The following TP53BP1 variants were observed in gnomAD, a reference collection of about 807,000 sequenced individuals.
TP53BP1 encodes tumor protein p53 binding protein 1.
In TP53BP1, 61 loss-of-function variants were observed where a neutral mutation model predicts 200.8. The ratio of observed to expected loss-of-function variants is 0.30; its 90% CI spans 0.25 to 0.38. The LOEUF is 0.38. Among genes scored for constraint, TP53BP1 ranks in the 10% least tolerant of loss-of-function variants. TP53BP1 has a pLI of 1.00. For missense variants in TP53BP1, 2,144 were observed against 2,371.9 expected (o/e 0.90, Z 2.00); for synonymous variants, 822 against 844.3 (o/e 0.97, Z 0.46).
At chr15:43,410,508 G>A (rs187163386) in intron 24 of TP53BP1, among the ~76,000 whole-genome samples, 54 of 151,758 alleles carry the variant, frequency 3.6e-4, no homozygotes, top group Non-Finnish European at 5.4e-4. Context: ...TATCTAATTT[G>A]AGCTTGTTTT....
intron 16 of TP53BP1, among the ~76,000 whole-genome samples, chr15:43,433,192 T>C (rs149445082): frequency 2.0e-5 from 3 of 152,262 alleles, no homozygotes; most frequent in South Asian, 2.1e-4. Flanking sequence ...TTACAAAGGA[T>C]AAAGCTGTAG....
In TP53BP1 at chr15:43,441,586, G is replaced by GA; in HGVS notation, c.3041-4dup. 1 of 1,609,214 alleles carries GA rather than the reference G, an allele frequency of 6.2e-7. No homozygotes were observed. The highest frequency in any genetic ancestry group is 8.5e-7 in the Non-Finnish European group (1 of 1,175,930). On this transcript the variant is annotated splice_region_variant and splice_polypyrimidine_tract_variant and intron_variant, in intron 14 of 27. Transcript: ENST00000382044. ...TTTTCTTTCACCAGTTGCAGGCTCT[G>GA]AATAAAAACAAAACCAAGGAGAGAA...
intron 1 of TP53BP1, among the ~76,000 whole-genome samples, chr15:43,499,846 C>T (rs2079200594): frequency 6.6e-6 from 1 of 152,136 alleles, no homozygotes; most frequent in Non-Finnish European, 1.5e-5. Flanking sequence ...TATCTAGTTT[C>T]TAGCTTCAAA....
intron 11 of TP53BP1, among the ~76,000 whole-genome samples, chr15:43,457,671 CAAAAAAAAAAAAAAAA>C (rs56866996): frequency 2.6e-4 from 5 of 19,082 alleles, no homozygotes; most frequent in Admixed American, 2.1e-3. Flanking sequence ...GACTCCATCT[CAAAAAAAAAAAAAAAA>C]AAAAAAAAAA....
At chr15:43,420,941 A>C in intron 20 of TP53BP1, 84 bp downstream of exon 20, 1 of 1,508,126 alleles carries the variant, frequency 6.6e-7, no homozygotes. Context: ...CCCTCCTGAC[A>C]CCCCACAAAC....
rs930392109 is a variant in TP53BP1, at chr15:43,405,870, A to T, written c.*1513T>A. 5.3e-5 allele frequency: 8 copies of T among 151,970 alleles called. No homozygotes were observed. The highest frequency in any genetic ancestry group is 1.7e-4 in the African/African-American group (7 of 41,342). The allele number at this position is 151,970 out of a possible 1,614,324, so 9.4% of individuals were successfully genotyped here. On this transcript the variant is annotated 3_prime_UTR_variant, in exon 28 of 28. Transcript: ENST00000382044. ...GCCTGACCAACATGATGAAACCTCG[A>T]TTCTACTAAAAATACAAAAATTAGC...
At chr15:43,500,445 C>T (rs1233655193) in intron 1 of TP53BP1, among the ~76,000 whole-genome samples, 3 of 151,948 alleles carry the variant, frequency 2.0e-5, no homozygotes, top group Non-Finnish European at 4.4e-5. Flanking sequence ...TCTATATCCA[C>T]CCACTTCCCC....
intron 15 of TP53BP1, 134 bp from the exon 16 acceptor site, chr15:43,438,550 G>T: frequency 1.6e-6 from 1 of 617,754 alleles, no homozygotes; most frequent in Non-Finnish European, 2.7e-6. Context: ...ACACCAAAAT[G>T]CAAATTCTCC....
At chr15:43,413,063 TG>T in intron 24 of TP53BP1, 55 bp downstream of exon 24, 1 of 1,564,916 alleles carries the variant, frequency 6.4e-7, no homozygotes, top group Non-Finnish European at 8.8e-7. Flanking sequence ...CATAAGTGAC[TG>T]GAAAAGAAAG....
chr15:43,495,733 C>T (rs1274958129), upstream of TP53BP1, among the ~76,000 whole-genome samples: 3 of 150,770 alleles, frequency 2.0e-5, no homozygotes, highest in South Asian at 4.2e-4. Context: ...AGGAGAATGG[C>T]GTGAACCCGG....
intron 15 of TP53BP1, among the ~76,000 whole-genome samples, chr15:43,439,463 G>A (rs1023484255): frequency 6.6e-5 from 10 of 152,156 alleles, no homozygotes; most frequent in African/African-American, 2.2e-4. Flanking sequence ...TTGAGCCTGG[G>A]AGGTCAAGGC....
chr15:43,466,291 A>G (rs1025492915), intron 11 of TP53BP1, among the ~76,000 whole-genome samples: 2 of 152,208 alleles, frequency 1.3e-5, no homozygotes, highest in Non-Finnish European at 2.9e-5. Flanking sequence ...TTTCTCCAAA[A>G]AGATGAAACA....
At chr15:43,432,914 G>A (rs2045705374) in intron 16 of TP53BP1, among the ~76,000 whole-genome samples, 1 of 152,018 alleles carries the variant, frequency 6.6e-6, no homozygotes, top group African/African-American at 2.4e-5. Flanking sequence ...CCACCATGAT[G>A]ATAAAAGAGT....
At chr15:43,444,706 C>T (rs2046002745) in intron 14 of TP53BP1, among the ~76,000 whole-genome samples, 1 of 152,138 alleles carries the variant, frequency 6.6e-6, no homozygotes, top group Non-Finnish European at 1.5e-5. Context: ...ACCTGGTATA[C>T]AGTAAGAGCT....
intron 23 of TP53BP1, among the ~76,000 whole-genome samples, chr15:43,413,739 G>A (rs888630493): frequency 3.3e-5 from 5 of 151,530 alleles, no homozygotes; most frequent in Non-Finnish European, 5.9e-5. Flanking sequence ...TCTCTGTCCC[G>A]TGCTCTGATT....
intron 12 of TP53BP1, among the ~76,000 whole-genome samples, chr15:43,455,149 TAG>T (rs896994125): frequency 6.6e-6 from 1 of 152,216 alleles, no homozygotes; most frequent in Admixed American, 6.5e-5. Context: ...GAACTAAGTT[TAG>T]AAACTTTACC....
At position 43,426,604 on chromosome 15, in the gene TP53BP1, T is replaced by C. The variant is rs117427538; in HGVS notation, c.3828+1412A>G. Among the ~76,000 whole-genome samples, 1,038 of 151,970 alleles carry C rather than the reference T, an allele frequency of 6.8e-3. 15 individuals carry two copies. The highest frequency in any genetic ancestry group is 0.038 in the East Asian group (198 of 5,180). ...GCCACAATAGCCCACTGAAAAATAG[T>C]AATAATATGTTCTATTTAATAAAAC... On this transcript the variant is annotated intron_variant, in intron 18 of 27. Coordinates refer to ENST00000382044, the MANE Select transcript of TP53BP1 (RefSeq NM_001141980.3).
chr15:43,485,985 G>C (rs978912130), intron 4 of TP53BP1, among the ~76,000 whole-genome samples: 2 of 152,146 alleles, frequency 1.3e-5, no homozygotes, highest in African/African-American at 4.8e-5. Flanking sequence ...GATGGAAAGA[G>C]AAAACAAAGG....
rs949590953 is a variant in TP53BP1, at chr15:43,488,425, G to A, written c.371+3244C>T. On this transcript the variant is annotated intron_variant, in intron 4 of 27. Coordinates refer to ENST00000382044, the MANE Select transcript of TP53BP1 (RefSeq NM_001141980.3). ...TGCCAGGGGTTTGGGTGCAAAAGAC[G>A]GAGGTAGGTGTGGCTATAAAAGGGC... Among the ~76,000 whole-genome samples, 6 of 152,166 alleles carry A rather than the reference G, an allele frequency of 3.9e-5. No individual in the cohort carries two copies. In the South Asian group the frequency reaches 1.0e-3, roughly 26 times the overall value.
Sources: gnomAD v4.1 joint callset for allele counts (sites outside exome capture counted in the v4.1 genomes callset) on GRCh38, gnomAD v4.1.1 for gene constraint, MANE v1.5 for transcripts, NCBI Gene and HGNC (gene_info 2026-07-23, HGNC 2026-07-21) for gene names.